Variants in RAB3GAP2 observed in about 807,000 individuals in gnomAD.
RAB3GAP2 encodes rab3 GTPase-activating protein non-catalytic subunit.
Under a neutral mutation model 185.3 loss-of-function variants are expected in RAB3GAP2, and 87 were observed. The ratio of observed to expected loss-of-function variants is 0.47; its 90% CI spans 0.39 to 0.56. The LOEUF is 0.56. RAB3GAP2 is among the 20% of genes least tolerant of loss of function. The pLI, the probability that RAB3GAP2 is intolerant of heterozygous loss-of-function variation, is 0.00. For missense variants in RAB3GAP2, 1,492 were observed against 1,638.2 expected (o/e 0.91, Z 1.54); for synonymous variants, 554 against 576.1 (o/e 0.96, Z 0.55).
At chr1:220,247,453 G>A (rs2102518665) in intron 1 of RAB3GAP2, among the ~76,000 whole-genome samples, 1 of 152,320 alleles carries the variant, frequency 6.6e-6, no homozygotes, top group South Asian at 2.1e-4. Context: ...GTCTTTTGCA[G>A]CACCTTGGAT....
In RAB3GAP2 at chr1:220,271,739, A is replaced by G. The variant is rs571660633; in HGVS notation, c.115+484T>C. 1.2e-4 allele frequency among the ~76,000 whole-genome samples: 18 copies of G among 152,130 alleles called. No individual in the cohort carries two copies. The South Asian group carries it at 1.2e-3, about 11-fold the overall frequency. ...GATCAACACTTTCGGAATGGGAGGT[A>G]GCAGAAGGCCACAGTCTCCGGGATG... On this transcript the variant is annotated intron_variant, in intron 1 of 34. Transcript: ENST00000358951.
At chr1:220,267,506 G>A in intron 1 of RAB3GAP2, 5 of 1,410,804 alleles carry the variant, frequency 3.5e-6, no homozygotes, top group Non-Finnish European at 5.0e-6. Flanking sequence ...TTACCCGGAG[G>A]GCGACCAATT....
intron 1 of RAB3GAP2, chr1:220,253,936 G>A: frequency 1.2e-6 from 2 of 1,613,710 alleles, no homozygotes; most frequent in Non-Finnish European, 1.7e-6. Flanking sequence ...AAATGGAGAT[G>A]GTGGCAGTAC....
chr1:220,245,115 A>G (rs1399198073), intron 1 of RAB3GAP2, among the ~76,000 whole-genome samples: 1 of 147,238 alleles, frequency 6.8e-6, no homozygotes, highest in African/African-American at 2.6e-5. Context: ...AACTCAAACA[A>G]ATCAGCAAGA....
chr1:220,267,482 T>C, intron 1 of RAB3GAP2: 1 of 1,407,612 alleles, frequency 7.1e-7, no homozygotes, highest in Non-Finnish European at 1.0e-6. Flanking sequence ...AAATAAACAT[T>C]ACCAAACTTT....
At chr1:220,263,838 C>T (rs1660183303) in intron 1 of RAB3GAP2, among the ~76,000 whole-genome samples, 1 of 152,068 alleles carries the variant, frequency 6.6e-6, no homozygotes, top group African/African-American at 2.4e-5. Flanking sequence ...GACTGGGAAT[C>T]ACTGAGTCTT....
At chr1:220,239,925 G>A (rs1352260625) in intron 1 of RAB3GAP2, among the ~76,000 whole-genome samples, 1 of 151,034 alleles carries the variant, frequency 6.6e-6, no homozygotes, top group African/African-American at 2.4e-5. Flanking sequence ...TTCATGGTAG[G>A]GATAGAAGAA....
chr1:220,164,761 CT>C lies in RAB3GAP2; in HGVS notation c.3125del (p.Lys1042SerfsTer14), dbSNP rs1248095947. The stretch of plus-strand genomic sequence containing the variant: ...TTTGAACATGTGCATTAAATATTTG[CT>C]TCAAGTGTTCTATTGACCTAACAAA... ...RFFVRSIEHL[K>X]QIFNAHVQNG... On this transcript the variant is annotated frameshift_variant, in exon 27 of 35. Coordinates refer to ENST00000358951, the MANE Select transcript of RAB3GAP2 (RefSeq NM_012414.4). LOFTEE classifies it high-confidence loss of function. 1.9e-6 allele frequency: 3 copies of C among 1,608,188 alleles called. No individual in the cohort carries two copies. Among genetic ancestry groups the C allele is most frequent in the Admixed American group, 3.4e-5 (2 of 59,682 alleles).
chr1:220,186,509 C>T (rs1347026505), intron 17 of RAB3GAP2, among the ~76,000 whole-genome samples: 1 of 152,098 alleles, frequency 6.6e-6, no homozygotes, highest in Non-Finnish European at 1.5e-5. Flanking sequence ...AATGAAGTAA[C>T]TACCAGGAAA....
chr1:220,164,623 G>T, intron 27 of RAB3GAP2, 110 bp downstream of exon 27: 1 of 1,460,742 alleles, frequency 6.8e-7, no homozygotes, highest in Non-Finnish European at 9.2e-7. Flanking sequence ...TAGGCTGCAG[G>T]ATAATCAAAT....
chr1:220,237,284 C>A (rs546260397), intron 1 of RAB3GAP2, among the ~76,000 whole-genome samples: 1 of 152,258 alleles, frequency 6.6e-6, no homozygotes, highest in South Asian at 2.1e-4. Flanking sequence ...ACAAATTATA[C>A]GGCAATTTAA....
chr1:220,237,252 C>T (rs1225060557), intron 1 of RAB3GAP2, among the ~76,000 whole-genome samples: 2 of 152,192 alleles, frequency 1.3e-5, no homozygotes, highest in Non-Finnish European at 2.9e-5. Flanking sequence ...ATGTGGCTCT[C>T]ATTTCCGTGA....
intron 1 of RAB3GAP2, chr1:220,266,403 C>T: frequency 2.3e-6 from 1 of 436,260 alleles, no homozygotes. Flanking sequence ...GGATTTGCCT[C>T]CTGGGAGGAC....
rs749619692 is a variant in RAB3GAP2, at chr1:220,190,093, G to C, written c.1685C>G (p.Ala562Gly). The C allele has an allele frequency of 3.7e-6, 6 of 1,613,386 alleles. No homozygotes were observed. The highest frequency in any genetic ancestry group is 1.7e-5 in the Admixed American group (1 of 59,994). Residue 562 changes from alanine to glycine, a missense_variant, in exon 16 of 35, where the codon GCC (alanine) becomes GGC (glycine). Physicochemically the swap from Ala to Gly is moderately conservative, Grantham distance 60. Around this residue, in one of 5 missense-constraint regions of RAB3GAP2, gnomAD observed 681 missense variants for 689.1 expected, o/e 0.99. Transcript: ENST00000358951. ...KDMHLVKKLAALLKTKSPNLD... is the reference protein window; with the variant it reads ...KDMHLVKKLAGLLKTKSPNLD... ...ATTGGGAGATTTTGTTTTCAGTAAG[G>C]CTGCTAGTTTCTTCACTAGGTGCAT... is the stretch of plus-strand genomic sequence containing the variant.
rs115559107 is a variant in RAB3GAP2, at chr1:220,170,844, C to T, written c.2806+48G>A. ...CGTCATTTCTATTAAAAGAAACCCT[C>T]GTAACATAAAAAAATGGATGCAAAT... On this transcript the variant is annotated intron_variant, in intron 24 of 34. Transcript: ENST00000358951. 276 of 1,468,278 alleles carry T rather than the reference C, an allele frequency of 1.9e-4. 1 individual carries two copies. In the African/African-American group the frequency reaches 3.4e-3, roughly 18 times the overall value. The allele number at this position is 1,468,278 out of a possible 1,614,324, so 91.0% of individuals were successfully genotyped here.
At chr1:220,165,982 A>G (rs1215251754) in intron 26 of RAB3GAP2, among the ~76,000 whole-genome samples, 2 of 152,226 alleles carry the variant, frequency 1.3e-5, no homozygotes, top group African/African-American at 4.8e-5. Flanking sequence ...CTTGAATTTG[A>G]AATTAATTCA....
chr1:220,154,968 G>C (rs958108529), intron 31 of RAB3GAP2, among the ~76,000 whole-genome samples: 4 of 152,020 alleles, frequency 2.6e-5, no homozygotes, highest in Non-Finnish European at 5.9e-5. Flanking sequence ...CAGGTGATCT[G>C]CCCGCCTCAG....
chr1:220,200,608 G>A, intron 9 of RAB3GAP2: 1 of 528,734 alleles, frequency 1.9e-6, no homozygotes, highest in Non-Finnish European at 3.9e-6. Flanking sequence ...TCCCTAGCCA[G>A]TTTCAATGTT....
rs1657691825 is a variant in RAB3GAP2 at position 220,149,170 on chromosome 1, C to CTTGA, written c.*2077_*2080dup. ...ATCAGATTTATTTATTTTAAAAGCC[C>CTTGA]TTGATAAGTAGTAAAATATTTAACT... is the stretch of plus-strand genomic sequence containing the variant. On this transcript the variant is annotated 3_prime_UTR_variant, in exon 35 of 35. Coordinates refer to ENST00000358951, the MANE Select transcript of RAB3GAP2 (RefSeq NM_012414.4). The CTTGA allele has an allele frequency of 6.6e-6, 1 of 152,034 alleles. No homozygotes were observed. Among genetic ancestry groups the CTTGA allele is most frequent in the African/African-American group, 2.4e-5 (1 of 41,398 alleles). 9.4% of individuals were successfully genotyped at this position (152,034 alleles called of 1,614,324 possible). A position where few individuals can be genotyped will look rare whatever the true frequency, so the allele number is the denominator to read the frequency against.
Sources: allele counts gnomAD v4.1 joint callset (sites outside exome capture counted in the v4.1 genomes callset), GRCh38; gene constraint gnomAD v4.1.1; regional missense constraint gnomAD v4.1.1; transcripts MANE v1.5; gene names NCBI Gene and HGNC (gene_info 2026-07-23, HGNC 2026-07-21).